The following RAP1GAP variants were observed in gnomAD, a reference collection of about 807,000 sequenced individuals.
RAP1GAP encodes the protein rap1 GTPase-activating protein 1.
A neutral mutation model predicts 87.2 loss-of-function variants in RAP1GAP; 35 were observed. The observed-to-expected ratio is 0.40, with a 90% CI of 0.31 to 0.53. The LOEUF is 0.53. Ranked by LOEUF, RAP1GAP falls within the 20% of genes least tolerant of loss-of-function variation. The pLI, the probability that RAP1GAP is intolerant of heterozygous loss-of-function variation, is 0.48. For synonymous variants in RAP1GAP, 375 were observed against 363.9 expected, an observed-to-expected ratio of 1.03 and a Z score of -0.35; for missense variants, 734 against 898.9, an observed-to-expected ratio of 0.82 and a Z score of 2.35.
chr1:21,642,628 G>A (rs2095625861), intron 2 of RAP1GAP, among the ~76,000 whole-genome samples: 1 of 152,086 alleles, frequency 6.6e-6, no homozygotes, highest in African/African-American at 2.4e-5. Flanking sequence ...GAGGATGGGC[G>A]ACTGGCACCC....
chr1:21,637,774 T>C (rs1362396322), intron 2 of RAP1GAP, among the ~76,000 whole-genome samples: 1 of 152,054 alleles, frequency 6.6e-6, no homozygotes, highest in African/African-American at 2.4e-5. Context: ...GGCATATTGT[T>C]AAGTGAATAA....
intron 4 of RAP1GAP, 80 bp from the exon 5 acceptor site, chr1:21,619,152 GA>G: frequency 6.8e-7 from 1 of 1,465,814 alleles, no homozygotes. Flanking sequence ...CGTGCAAGGG[GA>G]AAGCCCTAGG....
chr1:21,630,746 G>C (rs9426674), intron 2 of RAP1GAP, among the ~76,000 whole-genome samples: 45,658 of 151,660 alleles, frequency 0.3, 7,917 homozygotes, highest in Middle Eastern at 0.41. Context: ...TGTTGAGATG[G>C]GTGTCTTGCT....
intron 3 of RAP1GAP, among the ~76,000 whole-genome samples, chr1:21,624,727 G>A (rs1340176024): frequency 6.6e-6 from 1 of 152,190 alleles, no homozygotes; most frequent in Non-Finnish European, 1.5e-5. Flanking sequence ...TGGCACAAAC[G>A]GAGGCTTCTA....
chr1:21,619,188 C>T, intron 4 of RAP1GAP, 116 bp from the exon 5 acceptor site: 2 of 1,111,856 alleles, frequency 1.8e-6, no homozygotes, highest in South Asian at 1.5e-5. Context: ...GGTAGGGGTA[C>T]TCCCAGGGCA....
At chr1:21,638,611 A>G (rs2095185593) in intron 2 of RAP1GAP, among the ~76,000 whole-genome samples, 1 of 152,184 alleles carries the variant, frequency 6.6e-6, no homozygotes, top group Non-Finnish European at 1.5e-5. Context: ...AAACAAAAAG[A>G]AAGTTTACAT....
intron 2 of RAP1GAP, among the ~76,000 whole-genome samples, chr1:21,642,228 C>T (rs2095590202): frequency 1.3e-5 from 2 of 152,238 alleles, no homozygotes; most frequent in Admixed American, 1.3e-4. Flanking sequence ...AGCAAGCTTC[C>T]AGAGGACAGA....
intron 1 of RAP1GAP, among the ~76,000 whole-genome samples, chr1:21,657,614 T>A (rs1259085731): frequency 6.6e-6 from 1 of 152,194 alleles, no homozygotes; most frequent in Non-Finnish European, 1.5e-5. Context: ...CCCCATCTCC[T>A]ACCTCCACTG....
chr1:21,634,326 G>A lies in RAP1GAP; in HGVS notation c.-112-7929C>T, dbSNP rs829381. 0.041 allele frequency among the ~76,000 whole-genome samples: 6,307 copies of A among 152,294 alleles called. 146 individuals are homozygous for A. Among genetic ancestry groups the A allele is most frequent in the South Asian group, 0.052 (251 of 4,828 alleles). ...GACCTCTCCTAGGACTCTAGAGGGA[G>A]CGTGGCGATGGGGTAGAGGAGCGGC... On this transcript the variant is annotated intron_variant, in intron 2 of 24. Transcript: ENST00000374765. This position sits in a 1 kb window ranked among gnomAD's most constrained non-coding sequence, Gnocchi z 4.1.
chr1:21,639,169 G>A (rs576718960), intron 2 of RAP1GAP, among the ~76,000 whole-genome samples: 2 of 152,340 alleles, frequency 1.3e-5, no homozygotes, highest in African/African-American at 4.8e-5. Flanking sequence ...CTCCTAGCGC[G>A]GGCTCCATGC....
intron 3 of RAP1GAP, among the ~76,000 whole-genome samples, chr1:21,624,457 C>T (rs893549471): frequency 1.3e-5 from 2 of 152,204 alleles, no homozygotes; most frequent in African/African-American, 4.8e-5. Context: ...GGAAGGTCAC[C>T]TGCCCTTCAG....
At chr1:21,602,677 A>G in intron 19 of RAP1GAP, 127 bp downstream of exon 19, 1 of 777,658 alleles carries the variant, frequency 1.3e-6, no homozygotes, top group African/African-American at 1.7e-5. Flanking sequence ...TTGACCACAC[A>G]GCTGTCACTA....
chr1:21,655,188 T>A (rs960832006), intron 1 of RAP1GAP, among the ~76,000 whole-genome samples: 5 of 151,988 alleles, frequency 3.3e-5, no homozygotes, highest in Non-Finnish European at 7.4e-5. Flanking sequence ...AGCAGCATCA[T>A]TTTTATTAGG....
intron 2 of RAP1GAP, among the ~76,000 whole-genome samples, chr1:21,648,165 G>A (rs1011003084): frequency 6.6e-6 from 1 of 152,172 alleles, no homozygotes; most frequent in Non-Finnish European, 1.5e-5. Context: ...CCTGGGGAAT[G>A]GCCGATCTTT....
At chr1:21,653,609 TCC>T in intron 1 of RAP1GAP, among the ~76,000 whole-genome samples, 2 of 144,340 alleles carry the variant, frequency 1.4e-5, no homozygotes, top group African/African-American at 5.1e-5. Context: ...CCTCCCTCCC[TCC>T]TTCCTAAGTA....
intron 1 of RAP1GAP, among the ~76,000 whole-genome samples, chr1:21,652,742 T>C (rs1206927587): frequency 6.6e-6 from 1 of 152,152 alleles, no homozygotes; most frequent in African/African-American, 2.4e-5. Context: ...TCCAGCGCTC[T>C]TCCTCAGAGT....
At chr1:21,644,368 G>A (rs1016233647) in intron 2 of RAP1GAP, among the ~76,000 whole-genome samples, 2 of 152,152 alleles carry the variant, frequency 1.3e-5, no homozygotes, top group Non-Finnish European at 2.9e-5. Flanking sequence ...AAGCAAACTG[G>A]AGCCTGGCTA....
intron 2 of RAP1GAP, 74 bp from the exon 3 acceptor site, chr1:21,626,471 C>T: frequency 5.7e-6 from 7 of 1,225,964 alleles, no homozygotes; most frequent in Middle Eastern, 2.0e-4. Context: ...GAGTCACTCT[C>T]AGAGCTGGGG....
intron 1 of RAP1GAP, among the ~76,000 whole-genome samples, chr1:21,663,028 C>G (rs2097205683): frequency 1.3e-5 from 2 of 152,234 alleles, no homozygotes; most frequent in Non-Finnish European, 1.5e-5. Flanking sequence ...ACTTCCCACC[C>G]TGACTGCCAT....
Sources: gnomAD v4.1 joint callset for allele counts (sites outside exome capture counted in the v4.1 genomes callset) on GRCh38, gnomAD v4.1.1 for gene constraint, Gnocchi (gnomAD v3.1) non-coding constraint, MANE v1.5 for transcripts, NCBI Gene and HGNC (gene_info 2026-07-23, HGNC 2026-07-21) for gene names.